Variants in TNIK observed in about 807,000 individuals in gnomAD.
The protein encoded by TNIK is TRAF2 and NCK interacting kinase.
TNIK carries 49 observed loss-of-function variants against 191.3 expected under a neutral mutation model. The ratio of observed to expected loss-of-function variants is 0.26; its 90% CI spans 0.20 to 0.32. TNIK has a LOEUF of 0.32. TNIK is among the 10% of genes least tolerant of loss of function. TNIK has a pLI of 1.00. For missense variants in TNIK, 1,155 were observed against 1,702.3 expected (o/e 0.68, Z 5.66); for synonymous variants, 594 against 600.9 (o/e 0.99, Z 0.17).
chr3:171,385,088 A>T (rs1718549863), intron 1 of TNIK, among the ~76,000 whole-genome samples: 1 of 152,220 alleles, frequency 6.6e-6, no homozygotes, highest in South Asian at 2.1e-4. Flanking sequence ...GCCAAACATG[A>T]AGGGCACACG....
At position 171,159,832 on chromosome 3, in the gene TNIK, TATA is replaced by T. The variant is rs1733733681; in HGVS notation, c.1016+1435_1016+1437del. Reference sequence around the variant, plus strand: ...ATAAAAACAGGACTTGGACTTAAAGTATAATAACAACAACAACAGGACTTGGAA... The same window carrying T: ...ATAAAAACAGGACTTGGACTTAAAGTATAACAACAACAACAGGACTTGGAA... On this transcript the variant is annotated intron_variant, in intron 11 of 32. Transcript: ENST00000436636. This position sits in a 1 kb window ranked among gnomAD's most constrained non-coding sequence, Gnocchi z 4.1. Among the ~76,000 whole-genome samples, 1 of 152,206 alleles carries T rather than the reference TATA, an allele frequency of 6.6e-6. No homozygotes were observed. The highest frequency in any genetic ancestry group is 6.5e-5 in the Admixed American group (1 of 15,284).
intron 1 of TNIK, among the ~76,000 whole-genome samples, chr3:171,426,446 C>G (rs961866103): frequency 1.6e-4 from 24 of 150,298 alleles, no homozygotes; most frequent in Non-Finnish European, 3.0e-4. Flanking sequence ...AGGAGATATA[C>G]CTAATGTAAA....
chr3:171,172,255 CT>C (rs1735381812), intron 9 of TNIK, among the ~76,000 whole-genome samples: 1 of 152,152 alleles, frequency 6.6e-6, no homozygotes, highest in African/African-American at 2.4e-5. Context: ...ATGGCCCTGT[CT>C]CAACAATGGC....
At chr3:171,367,005 T>C (rs1014958721) in intron 2 of TNIK, among the ~76,000 whole-genome samples, 2 of 152,252 alleles carry the variant, frequency 1.3e-5, no homozygotes, top group Admixed American at 6.5e-5. Context: ...GGCAGAACTG[T>C]GAGTCAGTTA....
intron 16 of TNIK, among the ~76,000 whole-genome samples, chr3:171,127,355 A>T (rs1237271571): frequency 3.3e-5 from 5 of 152,094 alleles, no homozygotes; most frequent in Admixed American, 1.3e-4. Flanking sequence ...CATTAAATAA[A>T]TAATAATATT....
chr3:171,196,716 A>G lies in TNIK; in HGVS notation c.307-2081T>C, dbSNP rs539374869. 2.6e-5 allele frequency among the ~76,000 whole-genome samples: 4 copies of G among 152,326 alleles called. No homozygotes were observed. In the South Asian group the frequency reaches 8.3e-4, roughly 32 times the overall value. On this transcript the variant is annotated intron_variant, in intron 4 of 32. Transcript: ENST00000436636. The stretch of plus-strand genomic sequence containing the variant: ...AAGATATACACATTTTGAGATAATT[A>G]CAATTCTGAATACGGACTTAGATAT...
At chr3:171,361,641 C>A (rs1036849383) in intron 2 of TNIK, among the ~76,000 whole-genome samples, 1 of 152,040 alleles carries the variant, frequency 6.6e-6, no homozygotes, top group Admixed American at 6.6e-5. Context: ...AGCAAAACTA[C>A]ACTTTAAGAA....
intron 2 of TNIK, among the ~76,000 whole-genome samples, chr3:171,355,764 T>C (rs1713953258): frequency 1.3e-5 from 2 of 152,204 alleles, no homozygotes; most frequent in Admixed American, 6.5e-5. Flanking sequence ...GTCACAGGTA[T>C]TCCTAACTTG....
Position 171,085,241 on chromosome 3 carries a change from G to A in TNIK, c.2887-12C>T. On this transcript the variant is annotated splice_polypyrimidine_tract_variant and intron_variant, in intron 24 of 32. Transcript: ENST00000436636. The stretch of plus-strand genomic sequence containing the variant: ...CTCCCCATGCCATACTAATCAATAA[G>A]CAAGAAGATTAAGAAGAGCAGATAA... The A allele has an allele frequency of 1.9e-6, 3 of 1,596,094 alleles. No individual in the cohort carries two copies. The highest frequency in any genetic ancestry group is 2.6e-6 in the Non-Finnish European group (3 of 1,170,822).
intron 12 of TNIK, among the ~76,000 whole-genome samples, chr3:171,156,992 C>T (rs142040011): frequency 2.1e-4 from 32 of 152,306 alleles, no homozygotes; most frequent in African/African-American, 5.1e-4. Flanking sequence ...GAGGCACCTA[C>T]GACATGCTAG....
At chr3:171,313,628 T>C (rs1011451432) in intron 2 of TNIK, among the ~76,000 whole-genome samples, 2 of 152,080 alleles carry the variant, frequency 1.3e-5, no homozygotes, top group Non-Finnish European at 2.9e-5. Flanking sequence ...TTTTAAAAAT[T>C]ATCATGAAAT....
intron 2 of TNIK, among the ~76,000 whole-genome samples, chr3:171,306,802 G>C (rs944254823): frequency 6.6e-6 from 1 of 152,052 alleles, no homozygotes; most frequent in Non-Finnish European, 1.5e-5. Context: ...GTGGTCAGAA[G>C]CAGCAATGAT....
At chr3:171,399,629 A>AT in intron 1 of TNIK, among the ~76,000 whole-genome samples, 1 of 152,326 alleles carries the variant, frequency 6.6e-6, no homozygotes, top group East Asian at 1.9e-4. Context: ...GTTGATAAGA[A>AT]TTTTTTATGG....
At chr3:171,289,727 C>T (rs1051015819) in intron 2 of TNIK, among the ~76,000 whole-genome samples, 1 of 151,930 alleles carries the variant, frequency 6.6e-6, no homozygotes, top group Non-Finnish European at 1.5e-5. Flanking sequence ...CATGGCAAAA[C>T]CCCGTCTCTA....
chr3:171,103,019 T>C (rs1478656687), intron 21 of TNIK, among the ~76,000 whole-genome samples: 2 of 152,222 alleles, frequency 1.3e-5, no homozygotes, highest in East Asian at 3.8e-4. Context: ...CAATTCATAG[T>C]GTTAACTGAA....
chr3:171,087,458 C>T lies in TNIK; in HGVS notation c.2770G>A (p.Ala924Thr), dbSNP rs1721511331. 1 of 1,613,900 alleles carries T rather than the reference C, an allele frequency of 6.2e-7. No individual in the cohort carries two copies. Among genetic ancestry groups the T allele is most frequent in the East Asian group, 2.2e-5 (1 of 44,876 alleles). Residue 924 changes from alanine to threonine, a missense_variant, in exon 24 of 33, where the codon GCT (alanine) becomes ACT (threonine). Ala to Thr is a moderately conservative substitution (Grantham distance 58). Around this residue, in one of 3 missense-constraint regions of TNIK, gnomAD observed 735 missense variants for 848.0 expected, o/e 0.87. Transcript: ENST00000436636. ...RSGHSDSNGF[A>T]GHINLPDLVQ... is the part of the protein sequence containing the mutation. ...AGGTCAGGGAGGTTGATGTGGCCAG[C>T]AAAGCCATTGCTGTCACTGTGGCCA...
intron 3 of TNIK, among the ~76,000 whole-genome samples, chr3:171,217,076 C>T (rs1741540252): frequency 6.6e-6 from 1 of 152,178 alleles, no homozygotes; most frequent in South Asian, 2.1e-4. Context: ...ACAAATCATT[C>T]TGCCAAAAAA....
intron 3 of TNIK, among the ~76,000 whole-genome samples, chr3:171,221,229 T>G (rs1742291934): frequency 6.6e-6 from 1 of 152,218 alleles, no homozygotes; most frequent in Non-Finnish European, 1.5e-5. Context: ...GACTGTTCTG[T>G]CTGCTAAAGA....
chr3:171,346,365 T>G (rs1226814412), intron 2 of TNIK, among the ~76,000 whole-genome samples: 1 of 152,262 alleles, frequency 6.6e-6, no homozygotes, highest in South Asian at 2.1e-4. Context: ...TAATTAAACA[T>G]TTTCTGATGA....
Sources: allele counts gnomAD v4.1 joint callset (sites outside exome capture counted in the v4.1 genomes callset), GRCh38; gene constraint gnomAD v4.1.1; regional missense constraint gnomAD v4.1.1; non-coding constraint Gnocchi (gnomAD v3.1); transcripts MANE v1.5; gene names NCBI Gene and HGNC (gene_info 2026-07-23, HGNC 2026-07-21).